SLC16A3: variants seen among roughly 807,000 people sequenced by gnomAD.
SLC16A3 encodes solute carrier family 16 member 3.
Under a neutral mutation model 25.0 loss-of-function variants are expected in SLC16A3, and 22 were observed. The observed-to-expected ratio is 0.88, with a 90% CI of 0.63 to 1.26. SLC16A3 has a LOEUF of 1.26. Ranked by LOEUF, SLC16A3 falls within the 50% of genes most tolerant of loss-of-function variation. SLC16A3 has a pLI of 0.00. For missense variants in SLC16A3, 731 were observed against 666.6 expected, an observed-to-expected ratio of 1.10 and a Z score of -1.06; for synonymous variants, 390 against 309.2, an observed-to-expected ratio of 1.26 and a Z score of -2.74.
At chr17:82,220,238 C>T (rs1169990961) in intron 1 of SLC16A3, among the ~76,000 whole-genome samples, 1 of 152,202 alleles carries the variant, frequency 6.6e-6, no homozygotes, top group African/African-American at 2.4e-5. Flanking sequence ...TCCCCCAGTG[C>T]CCAGGAGAGC....
intron 1 of SLC16A3, among the ~76,000 whole-genome samples, chr17:82,233,408 T>A (rs570742005): frequency 1.3e-5 from 2 of 152,170 alleles, no homozygotes; most frequent in Non-Finnish European, 2.9e-5. Context: ...TCCTGGTCAG[T>A]GAGTCCTGGC....
intron 2 of SLC16A3, 36 bp from the exon 3 acceptor site, chr17:82,236,693 G>T: frequency 1.3e-6 from 2 of 1,588,350 alleles, no homozygotes; most frequent in Non-Finnish European, 1.7e-6. Context: ...AGAGCTGGCT[G>T]CAGGCCCGGC....
intron 2 of SLC16A3, 82 bp downstream of exon 2, chr17:82,236,313 CAG>C (rs1284240106): frequency 7.7e-7 from 1 of 1,292,878 alleles, no homozygotes; most frequent in Non-Finnish European, 1.1e-6. Context: ...GGCTCAGCAA[CAG>C]GGCCTTCCGC....
upstream of SLC16A3, among the ~76,000 whole-genome samples, chr17:82,223,521 T>C (rs2050401735): frequency 6.6e-6 from 1 of 151,740 alleles, no homozygotes; most frequent in Non-Finnish European, 1.5e-5. Context: ...TTTTTTCTTT[T>C]TGAGACAGAG....
At chr17:82,220,036 G>A (rs1460235577) in intron 1 of SLC16A3, among the ~76,000 whole-genome samples, 1 of 152,144 alleles carries the variant, frequency 6.6e-6, no homozygotes, top group Non-Finnish European at 1.5e-5. Flanking sequence ...AGGTTGGGGG[G>A]GCTCTCAGGG....
chr17:82,233,311 C>T (rs116626209), intron 1 of SLC16A3, among the ~76,000 whole-genome samples: 2,600 of 152,222 alleles, frequency 0.017, 62 homozygotes, highest in African/African-American at 0.06. Context: ...TGTCCAAATG[C>T]CTCATCTTGA....
At chr17:82,236,282 C>T in intron 2 of SLC16A3, 51 bp downstream of exon 2, 1 of 1,542,270 alleles carries the variant, frequency 6.5e-7, no homozygotes, top group Non-Finnish European at 8.9e-7. Context: ...GCTGGCGGAT[C>T]CTGCTGGGCG....
chr17:82,220,458 G>GA (rs2050382266), intron 1 of SLC16A3, among the ~76,000 whole-genome samples: 1 of 152,208 alleles, frequency 6.6e-6, no homozygotes, highest in Non-Finnish European at 1.5e-5. Context: ...TGATCACACT[G>GA]ATTTTTGTCC....
Position 82,240,081 on chromosome 17 carries a change from G to A in SLC16A3, c.*1105G>A, listed in dbSNP as rs1024960066. 2.4e-5 allele frequency: 29 copies of A among 1,233,402 alleles called. No individual in the cohort carries two copies. The highest frequency in any genetic ancestry group is 9.3e-5 in the African/African-American group (6 of 64,480). The allele number at this position is 1,233,402 out of a possible 1,614,324, so 76.4% of individuals were successfully genotyped here. ...TGCTCCTCTGCAATGAAAAGCAAGC[G>A]AAAAGTGCACATCTCAGGTCCAGCT... On this transcript the variant is annotated 3_prime_UTR_variant, in exon 5 of 5. Coordinates refer to ENST00000582743, the MANE Select transcript of SLC16A3 (RefSeq NM_004207.4).
Position 82,239,852 on chromosome 17 carries a change from C to T in SLC16A3, c.*876C>T, listed in dbSNP as rs2147141596. The T allele has an allele frequency of 2.0e-6, 1 of 507,238 alleles. No individual in the cohort carries two copies. The highest frequency in any genetic ancestry group is 3.1e-6 in the Non-Finnish European group (1 of 326,412). The allele number at this position is 507,238 out of a possible 1,614,324, so 31.4% of individuals were successfully genotyped here. On this transcript the variant is annotated 3_prime_UTR_variant, in exon 5 of 5. Transcript: ENST00000582743. ...GGTCAGTGCCCAGGGCTGGTCTTTG[C>T]ACCCTGTCCTCCATCCAGCCCGGCC...
At position 82,218,757 on chromosome 17, in the gene SLC16A3, G is replaced by A. The variant is rs555763061; in HGVS notation, c.-27+573G>A. The stretch of plus-strand genomic sequence containing the variant: ...GGCAGAAGGTACCCTCCGGCTGTGC[G>A]TGGAGAACGGGCAGCAGGGACGAGG... On this transcript the variant is annotated intron_variant, in intron 1 of 4. Coordinates refer to the SLC16A3 transcript ENST00000580098. Among the ~76,000 whole-genome samples the A allele has an allele frequency of 8.5e-5, 13 of 152,300 alleles. No individual in the cohort carries two copies. The East Asian group carries it at 1.5e-3, about 18-fold the overall frequency.
chr17:82,238,143 A>G (rs1440135301), intron 4 of SLC16A3, among the ~76,000 whole-genome samples: 1 of 152,032 alleles, frequency 6.6e-6, no homozygotes, highest in African/African-American at 2.4e-5. Flanking sequence ...GGGGGGGGGC[A>G]GCTCCTCCAG....
chr17:82,225,414 C>G (rs1246372844), upstream of SLC16A3, among the ~76,000 whole-genome samples: 1 of 152,224 alleles, frequency 6.6e-6, no homozygotes, highest in Admixed American at 6.5e-5. Flanking sequence ...GTCCTGGCTG[C>G]ATCCCCCATC....
rs749553157 is a variant in SLC16A3, at chr17:82,238,744, T to C, written c.1166T>C (p.Ile389Thr). Residue 389 changes from isoleucine (I) to threonine (T), a missense_variant, in exon 5 of 5, where the codon ATC (isoleucine) becomes ACC (threonine). Coordinates refer to ENST00000582743, the MANE Select transcript of SLC16A3 (RefSeq NM_004207.4). ...DATHVYMYVF[I>T]LAGAEVLTSS... Reference sequence around the variant, plus strand: ...ACCCACGTCTACATGTACGTGTTCATCCTGGCGGGGGCCGAGGTGCTCACC... The same window carrying C: ...ACCCACGTCTACATGTACGTGTTCACCCTGGCGGGGGCCGAGGTGCTCACC... 6.2e-7 allele frequency: 1 copy of C among 1,612,458 alleles called. No homozygotes were observed. The highest frequency in any genetic ancestry group is 1.7e-5 in the Admixed American group (1 of 59,980).
In SLC16A3 at chr17:82,237,379, G is replaced by C; in HGVS notation, c.609G>C (p.Thr203=). 1 of 1,541,756 alleles carries C rather than the reference G, an allele frequency of 6.5e-7. No individual in the cohort carries two copies. The highest frequency in any genetic ancestry group is 1.8e-4 in the Middle Eastern group (1 of 5,698). Residue 203 remains threonine, a synonymous_variant, in exon 4 of 5, where the codon ACG becomes ACC. Coordinates refer to ENST00000582743, the MANE Select transcript of SLC16A3 (RefSeq NM_004207.4). ...CACTCATGAGGCCCCTGGTGGTCAC[G>C]GCCCAGCCGGGCTCGGGGCCGCCGC... ...CAALMRPLVV[T]AQPGSGPPRP... is the part of the protein sequence containing the mutation.
upstream of SLC16A3, among the ~76,000 whole-genome samples, chr17:82,223,485 G>A (rs2050401551): frequency 6.6e-6 from 1 of 151,914 alleles, no homozygotes; most frequent in African/African-American, 2.4e-5. Context: ...CACTGCGCCT[G>A]GACTATTTAT....
At position 82,222,287 on chromosome 17, in the gene SLC16A3, G is replaced by A. The variant is rs1411455104; in HGVS notation, c.-27+4103G>A. Among the ~76,000 whole-genome samples, 3 of 137,338 alleles carry A rather than the reference G, an allele frequency of 2.2e-5. 1 individual carries two copies. The highest frequency in any genetic ancestry group is 8.9e-3 in the Middle Eastern group (2 of 224). The allele number at this position is 137,338 out of a possible 152,430, so 90.1% of individuals were successfully genotyped here. A position where few individuals can be genotyped will look rare whatever the true frequency, so the allele number is the denominator to read the frequency against. ...CTGGGACCCCCAACTCCGCTCCCAC[G>A]TTCGTGGAGACGAGTGTCGCCCTGG... On this transcript the variant is annotated intron_variant, in intron 1 of 4. Coordinates refer to the SLC16A3 transcript ENST00000580098.
rs4239022 is a variant in SLC16A3 at position 82,237,399 on chromosome 17, C to T, written c.629C>T (p.Pro210Leu). The change falls in exon 4 of 5, where the codon CCG becomes CTG. Residue 210 changes from proline (P) to leucine (L), a missense_variant. By Grantham distance (98) the Pro-to-Leu change is moderately conservative. Transcript: ENST00000582743. Reference protein sequence around the residue: ...LVVTAQPGSGPPRPSRRLLDL... With the variant: ...LVVTAQPGSGLPRPSRRLLDL... ...GTCACGGCCCAGCCGGGCTCGGGGC[C>T]GCCGCGACCCTCCCGGCGCCTGCTA... 1.0e-5 allele frequency: 16 copies of T among 1,555,544 alleles called. No homozygotes were observed. Among genetic ancestry groups the T allele is most frequent in the Non-Finnish European group, 1.2e-5 (14 of 1,150,094 alleles).
intron 1 of SLC16A3, among the ~76,000 whole-genome samples, chr17:82,233,467 C>T (rs547050545): frequency 4.3e-4 from 66 of 152,230 alleles, no homozygotes; most frequent in African/African-American, 1.3e-3. Flanking sequence ...TCAGGGGCGC[C>T]GCGTCTCCTG....
Sources: gnomAD v4.1 joint callset for allele counts (sites outside exome capture counted in the v4.1 genomes callset) on GRCh38, gnomAD v4.1.1 for gene constraint, MANE v1.5 for transcripts, NCBI Gene and HGNC (gene_info 2026-07-23, HGNC 2026-07-21) for gene names.